SPAG16: variants seen among roughly 807,000 people sequenced by gnomAD.
The protein encoded by SPAG16 is sperm associated antigen 16, also known as sperm-associated antigen 16 protein.
A neutral mutation model predicts 80.4 loss-of-function variants in SPAG16; 86 were observed. The observed-to-expected ratio is 1.07, with a 90% CI of 0.90 to 1.28. SPAG16 has a LOEUF of 1.28. Ranked by LOEUF, SPAG16 falls within the 50% of genes most tolerant of loss-of-function variation. SPAG16 has a pLI of 0.00. For missense variants in SPAG16, 870 were observed against 765.3 expected, an observed-to-expected ratio of 1.14 and a Z score of -1.61; for synonymous variants, 294 against 265.9, an observed-to-expected ratio of 1.11 and a Z score of -1.03.
chr2:214,269,367 C>A (rs1256823352), intron 15 of SPAG16, among the ~76,000 whole-genome samples: 1 of 151,902 alleles, frequency 6.6e-6, no homozygotes, highest in African/African-American at 2.4e-5. Context: ...TAAATGATTT[C>A]TTTTGATCTT....
At chr2:213,646,941 G>T (rs1343314907) in intron 10 of SPAG16, among the ~76,000 whole-genome samples, 1 of 152,124 alleles carries the variant, frequency 6.6e-6, no homozygotes, top group African/African-American at 2.4e-5. Flanking sequence ...ACAACAGCAT[G>T]CATGAATCTT....
At chr2:213,347,056 T>G (rs2065035815) in intron 6 of SPAG16, among the ~76,000 whole-genome samples, 1 of 152,216 alleles carries the variant, frequency 6.6e-6, no homozygotes, top group South Asian at 2.1e-4. Context: ...ATTGCCTCAA[T>G]TTCAGAGCCT....
chr2:213,963,746 A>T (rs1282045128), intron 12 of SPAG16, among the ~76,000 whole-genome samples: 1 of 152,100 alleles, frequency 6.6e-6, no homozygotes, highest in Non-Finnish European at 1.5e-5. Flanking sequence ...TGTACTGATG[A>T]ATTTACCCTT....
At chr2:213,585,546 G>A (rs2060441525) in intron 10 of SPAG16, among the ~76,000 whole-genome samples, 1 of 152,014 alleles carries the variant, frequency 6.6e-6, no homozygotes, top group Admixed American at 6.5e-5. Context: ...CAAAGTTCTG[G>A]GATTATGATG....
chr2:214,355,759 A>T (rs1698745454), intron 15 of SPAG16, among the ~76,000 whole-genome samples: 1 of 151,958 alleles, frequency 6.6e-6, no homozygotes, highest in African/African-American at 2.4e-5. Context: ...AATAGCAAAG[A>T]CTTGGAACTA....
At position 213,306,780 on chromosome 2, in the gene SPAG16, A is replaced by C. The variant is rs545806084; in HGVS notation, c.280-3279A>C. 5.9e-5 allele frequency among the ~76,000 whole-genome samples: 9 copies of C among 152,112 alleles called. No homozygotes were observed. In the East Asian group the frequency reaches 1.7e-3, roughly 30 times the overall value. On this transcript the variant is annotated intron_variant, in intron 3 of 15. Coordinates refer to ENST00000331683, the MANE Select transcript of SPAG16 (RefSeq NM_024532.5). ...CCATAATTACTACAGTCTCCCTCCC[A>C]CAGGACAGAGATTTTCTCTCCATGC...
chr2:214,079,431 TA>T (rs2051251986), intron 13 of SPAG16, among the ~76,000 whole-genome samples: 1 of 152,272 alleles, frequency 6.6e-6, no homozygotes, highest in Admixed American at 6.5e-5. Context: ...GAATTCATGA[TA>T]TTTAAAAAGC....
intron 11 of SPAG16, among the ~76,000 whole-genome samples, chr2:213,893,524 G>C (rs1315631279): frequency 6.6e-6 from 1 of 152,134 alleles, no homozygotes; most frequent in Non-Finnish European, 1.5e-5. Flanking sequence ...CCTGTTAAGA[G>C]ATATGTAATA....
intron 10 of SPAG16, among the ~76,000 whole-genome samples, chr2:213,846,114 C>G (rs1325528563): frequency 6.6e-6 from 1 of 152,074 alleles, no homozygotes; most frequent in African/African-American, 2.4e-5. Context: ...AACATACCAA[C>G]AATGATCCAA....
chr2:213,357,265 G>T (rs2065711077), intron 7 of SPAG16, among the ~76,000 whole-genome samples: 1 of 152,094 alleles, frequency 6.6e-6, no homozygotes, highest in Non-Finnish European at 1.5e-5. Context: ...GTAGATGTCT[G>T]TTAGGTCTGC....
chr2:213,465,288 A>ATTTAACTCAGCTAG (rs2072616381), intron 9 of SPAG16, among the ~76,000 whole-genome samples: 1 of 152,208 alleles, frequency 6.6e-6, no homozygotes, highest in Non-Finnish European at 1.5e-5. Flanking sequence ...CCATGAGGGC[A>ATTTAACTCAGCTAG]TTTAACTCAG....
intron 10 of SPAG16, among the ~76,000 whole-genome samples, chr2:213,578,214 C>G (rs1157886629): frequency 6.6e-6 from 1 of 151,972 alleles, no homozygotes; most frequent in Non-Finnish European, 1.5e-5. Context: ...GTCATGTTTT[C>G]TTTATTGACA....
chr2:214,232,298 A>C (rs1180874942), intron 15 of SPAG16, among the ~76,000 whole-genome samples: 1 of 152,052 alleles, frequency 6.6e-6, no homozygotes, highest in East Asian at 1.9e-4. Context: ...TTTACCTTAA[A>C]TATATTCTAA....
At chr2:213,675,329 G>T (rs560372132) in intron 10 of SPAG16, among the ~76,000 whole-genome samples, 1 of 152,216 alleles carries the variant, frequency 6.6e-6, no homozygotes, top group African/African-American at 2.4e-5. Context: ...CTCCCATTTT[G>T]TGGGTTGCCT....
At chr2:213,501,056 GTCTAACCCT>G (rs1460600591) in intron 10 of SPAG16, among the ~76,000 whole-genome samples, 6 of 152,142 alleles carry the variant, frequency 3.9e-5, no homozygotes, top group Non-Finnish European at 8.8e-5. Flanking sequence ...TACTCACCAG[GTCTAACCCT>G]GGTTAGCTTC....
chr2:213,311,378 T>G (rs2126118989), intron 4 of SPAG16, among the ~76,000 whole-genome samples: 1 of 151,886 alleles, frequency 6.6e-6, no homozygotes. Context: ...CAATGTGTGT[T>G]AGGACATGTG....
intron 11 of SPAG16, among the ~76,000 whole-genome samples, chr2:213,903,376 T>C (rs2077299097): frequency 6.6e-6 from 1 of 152,172 alleles, no homozygotes; most frequent in Non-Finnish European, 1.5e-5. Flanking sequence ...CAAACTCCAA[T>C]TCTTGATTTC....
intron 13 of SPAG16, among the ~76,000 whole-genome samples, chr2:214,015,748 C>T (rs901823484): frequency 1.3e-5 from 2 of 152,110 alleles, no homozygotes; most frequent in African/African-American, 4.8e-5. Context: ...TTCAAGGTTA[C>T]TCTGGGGTCC....
chr2:214,304,266 T>C (rs1480144810), intron 15 of SPAG16, among the ~76,000 whole-genome samples: 1 of 152,178 alleles, frequency 6.6e-6, no homozygotes, highest in Admixed American at 6.5e-5. Context: ...ATAAACAAAA[T>C]CTCTGCAGCA....
Sources: gnomAD v4.1 joint callset for allele counts (sites outside exome capture counted in the v4.1 genomes callset) on GRCh38, gnomAD v4.1.1 for gene constraint, MANE v1.5 for transcripts, NCBI Gene and HGNC (gene_info 2026-07-23, HGNC 2026-07-21) for gene names.